The following GAD2 variants were observed in gnomAD, a reference collection of about 807,000 sequenced individuals.
GAD2 encodes glutamate decarboxylase 2.
A neutral mutation model predicts 80.1 loss-of-function variants in GAD2; 22 were observed. The observed-to-expected ratio is 0.27, with a 90% confidence interval of 0.20 to 0.39. GAD2 has a LOEUF of 0.39. Among genes scored for constraint, GAD2 ranks in the 10% least tolerant of loss-of-function variants. GAD2 has a pLI of 1.00. For synonymous variants in GAD2, 274 were observed against 256.9 expected (o/e 1.07, Z -0.64); for missense variants, 624 against 738.4 (o/e 0.85, Z 1.80).
At chr10:26,272,176 TCA>T (rs1263403333) in intron 10 of GAD2, among the ~76,000 whole-genome samples, 1 of 152,196 alleles carries the variant, frequency 6.6e-6, no homozygotes, top group African/African-American at 2.4e-5. Flanking sequence ...CCTCCCTGAT[TCA>T]CAGTGTGAGT....
At chr10:26,232,790 G>A (rs551573140) in intron 7 of GAD2, among the ~76,000 whole-genome samples, 6 of 151,990 alleles carry the variant, frequency 3.9e-5, no homozygotes, top group South Asian at 4.2e-4. Context: ...GGAGTGAGCC[G>A]CCACGCCCAG....
chr10:26,242,339 C>T (rs773456236), intron 7 of GAD2, among the ~76,000 whole-genome samples: 34 of 152,176 alleles, frequency 2.2e-4, no homozygotes, highest in Non-Finnish European at 4.0e-4. Flanking sequence ...TCTCTCTAAA[C>T]ACCTGCTTTC....
intron 7 of GAD2, among the ~76,000 whole-genome samples, chr10:26,238,047 CAA>C (rs1491480755): frequency 2.8e-5 from 4 of 142,358 alleles, no homozygotes; most frequent in African/African-American, 1.0e-4. Context: ...CACACACACA[CAA>C]GAAAAGAAAG....
In GAD2 at chr10:26,293,049, T is replaced by G. The variant is rs567817745; in HGVS notation, c.1584+58T>G. The G allele has an allele frequency of 3.6e-6, 5 of 1,373,676 alleles. No homozygotes were observed. In the African/African-American group the frequency reaches 5.7e-5, roughly 16 times the overall value. 85.1% of individuals were successfully genotyped at this position (1,373,676 alleles called of 1,614,324 possible). On this transcript the variant is annotated intron_variant, in intron 15 of 15. Coordinates refer to ENST00000376261, the MANE Select transcript of GAD2 (RefSeq NM_001134366.2). Reference sequence around the variant, plus strand: ...GTATTGAGCCTTTCATGTGCACATCTTCTTTATGACATATGCCTGTGGCCT... The same window carrying G: ...GTATTGAGCCTTTCATGTGCACATCGTCTTTATGACATATGCCTGTGGCCT...
At chr10:26,293,193 T>TTTTTTTTTTTC (rs869296197) in intron 15 of GAD2, among the ~76,000 whole-genome samples, 1 of 137,314 alleles carries the variant, frequency 7.3e-6, no homozygotes, top group African/African-American at 2.8e-5. Flanking sequence ...TTTTTTTTTT[T>TTTTTTTTTTTC]TTGAGATGGA....
At chr10:26,249,885 A>G (rs1442878286) in intron 8 of GAD2, among the ~76,000 whole-genome samples, 1 of 152,162 alleles carries the variant, frequency 6.6e-6, no homozygotes, top group African/African-American at 2.4e-5. Flanking sequence ...GGCTGCCAGG[A>G]CAGAGGCAGG....
At chr10:26,258,517 C>T (rs1383638107) in intron 8 of GAD2, among the ~76,000 whole-genome samples, 1 of 152,156 alleles carries the variant, frequency 6.6e-6, no homozygotes, top group Non-Finnish European at 1.5e-5. Context: ...AAATTCCGTG[C>T]TCATTTAACA....
intron 13 of GAD2, among the ~76,000 whole-genome samples, chr10:26,290,572 C>T (rs1198373556): frequency 6.6e-6 from 1 of 152,112 alleles, no homozygotes; most frequent in Non-Finnish European, 1.5e-5. Context: ...AGTAACAGAG[C>T]CTGAACTAGG....
At chr10:26,257,137 G>C (rs1166760485) in intron 8 of GAD2, among the ~76,000 whole-genome samples, 1 of 152,110 alleles carries the variant, frequency 6.6e-6, no homozygotes, top group Non-Finnish European at 1.5e-5. Flanking sequence ...AGCAGTTTAG[G>C]AGGCTGAGGC....
At chr10:26,282,686 A>C (rs1845284576) in intron 12 of GAD2, among the ~76,000 whole-genome samples, 1 of 152,210 alleles carries the variant, frequency 6.6e-6, no homozygotes, top group Non-Finnish European at 1.5e-5. Flanking sequence ...ACCTTTGATC[A>C]CATTCCTGAT....
chr10:26,254,660 C>T (rs996878579), intron 8 of GAD2, among the ~76,000 whole-genome samples: 2 of 152,174 alleles, frequency 1.3e-5, no homozygotes, highest in Middle Eastern at 3.2e-3. Flanking sequence ...AGACATGGGA[C>T]ATCACTGAAG....
chr10:26,286,179 C>A lies in GAD2; in HGVS notation c.1237-166C>A, dbSNP rs1309773269. 2.0e-5 allele frequency among the ~76,000 whole-genome samples: 3 copies of A among 152,206 alleles called. 1 individual carries two copies. The highest frequency in any genetic ancestry group is 7.2e-5 in the African/African-American group (3 of 41,456). On this transcript the variant is annotated intron_variant, in intron 12 of 15. Coordinates refer to ENST00000376261, the MANE Select transcript of GAD2 (RefSeq NM_001134366.2). ...GTTGACCATTACAACAACCTAGACA[C>A]TCCTGTCCAGAATTGCCCCCATTCT... is the stretch of plus-strand genomic sequence containing the variant.
chr10:26,255,067 G>A (rs1844927729), intron 8 of GAD2, among the ~76,000 whole-genome samples: 1 of 152,216 alleles, frequency 6.6e-6, no homozygotes, highest in African/African-American at 2.4e-5. Context: ...AGCTCAGGAG[G>A]TACACTAGGG....
intron 13 of GAD2, among the ~76,000 whole-genome samples, chr10:26,290,547 A>G (rs776885315): frequency 3.3e-5 from 5 of 152,210 alleles, no homozygotes; most frequent in Admixed American, 6.5e-5. Flanking sequence ...CTTGGGAGCT[A>G]TGTTCCAGGT....
At chr10:26,289,793 C>CTTTT (rs35001308) in intron 13 of GAD2, among the ~76,000 whole-genome samples, 74 of 135,948 alleles carry the variant, frequency 5.4e-4, no homozygotes, top group African/African-American at 2.0e-3. Context: ...TCCCCCCCAC[C>CTTTT]TTTTTTTTTT....
At chr10:26,289,534 A>G (rs12242971) in intron 13 of GAD2, among the ~76,000 whole-genome samples, 16,989 of 151,830 alleles carry the variant, frequency 0.11, 3,119 homozygotes, top group African/African-American at 0.38. Flanking sequence ...CAATTTATGC[A>G]AAAAATAAGA....
Position 26,254,144 on chromosome 10 carries a change from C to A in GAD2, c.920+8144C>A, listed in dbSNP as rs1844916046. 2.6e-5 allele frequency among the ~76,000 whole-genome samples: 4 copies of A among 152,230 alleles called. 1 individual carries two copies. The South Asian group carries it at 8.3e-4, about 32-fold the overall frequency. Reference sequence around the variant, plus strand: ...CTCTGCCTCCCAGGTTCCAGTGATTCTTCTGCCTCAGCCTCCTGGGTAGCT... The same window carrying A: ...CTCTGCCTCCCAGGTTCCAGTGATTATTCTGCCTCAGCCTCCTGGGTAGCT... On this transcript the variant is annotated intron_variant, in intron 8 of 15. Transcript: ENST00000376261.
chr10:26,216,899 C>T lies in GAD2; in HGVS notation c.76+14C>T. ...ATCCCGGCACAGGTAGGAAGGAGAA[C>T]GGGGGCCTGCGGCGGGCGAGTTTTG... On this transcript the variant is annotated intron_variant, in intron 1 of 15. Coordinates refer to ENST00000376261, the MANE Select transcript of GAD2 (RefSeq NM_001134366.2). This position sits in a 1 kb window ranked among gnomAD's most constrained non-coding sequence, Gnocchi z 4.7. The T allele has an allele frequency of 6.3e-7, 1 of 1,599,976 alleles. No homozygotes were observed. Among genetic ancestry groups the T allele is most frequent in the Non-Finnish European group, 8.5e-7 (1 of 1,172,122 alleles).
At chr10:26,270,136 T>G (rs1589149260) in intron 9 of GAD2, among the ~76,000 whole-genome samples, 1 of 152,198 alleles carries the variant, frequency 6.6e-6, no homozygotes, top group East Asian at 1.9e-4. Context: ...AGTCATGGCG[T>G]ATTATTTTAG....
Sources: gnomAD v4.1 joint callset for allele counts (sites outside exome capture counted in the v4.1 genomes callset) on GRCh38, gnomAD v4.1.1 for gene constraint, Gnocchi (gnomAD v3.1) non-coding constraint, MANE v1.5 for transcripts, NCBI Gene and HGNC (gene_info 2026-07-23, HGNC 2026-07-21) for gene names.